The following HAGH variants were observed in gnomAD, a reference collection of about 807,000 sequenced individuals.
HAGH encodes hydroxyacylglutathione hydrolase, also known as hydroxyacylglutathione hydrolase, mitochondrial.
A neutral mutation model predicts 35.1 loss-of-function variants in HAGH; 29 were observed. That is an observed-to-expected ratio of 0.83 (90% confidence interval 0.62 to 1.13). HAGH has a LOEUF of 1.13. Ranked by LOEUF, HAGH falls within the 50% of genes most tolerant of loss-of-function variation. The probability of loss-of-function intolerance (pLI) is 0.00; values close to 1 mark genes in which losing one functional copy is unlikely to be tolerated. For missense variants in HAGH, 478 were observed against 419.6 expected (o/e 1.14, Z -1.22); for synonymous variants, 225 against 176.1 (o/e 1.28, Z -2.20).
At chr16:1,809,552 C>A in intron 8 of HAGH, 170 bp from the exon 9 acceptor site, 2 of 666,214 alleles carry the variant, frequency 3.0e-6, no homozygotes, top group Non-Finnish European at 5.2e-6. Flanking sequence ...ACTCCAGGGT[C>A]CAGAAGGACT....
At chr16:1,813,536 G>C (rs950733937) in intron 7 of HAGH, among the ~76,000 whole-genome samples, 36 of 152,198 alleles carry the variant, frequency 2.4e-4, no homozygotes, top group African/African-American at 8.0e-4. Context: ...AGTAACACGT[G>C]CAAGACCTTG....
chr16:1,812,579 T>A (rs972392517), intron 7 of HAGH, among the ~76,000 whole-genome samples: 1 of 150,724 alleles, frequency 6.6e-6, no homozygotes, highest in Non-Finnish European at 1.5e-5. Context: ...TCATTACAGA[T>A]CCAGCAGACA....
chr16:1,818,024 G>A lies in HAGH; in HGVS notation c.542-753C>T, dbSNP rs543562803. On this transcript the variant is annotated intron_variant, in intron 5 of 8. Transcript: ENST00000397356. ...AGGAGTCCTTCTGGGCACGAGAGAT[G>A]GGAATGGACGGTGGGGAGCCTGTTC... 5.3e-5 allele frequency among the ~76,000 whole-genome samples: 8 copies of A among 152,352 alleles called. No individual in the cohort carries two copies. The South Asian group carries it at 1.7e-3, about 32-fold the overall frequency.
chr16:1,823,557 G>A (rs1360009802), intron 1 of HAGH, among the ~76,000 whole-genome samples: 8 of 151,520 alleles, frequency 5.3e-5, no homozygotes, highest in African/African-American at 1.2e-4. Flanking sequence ...GTGAGCCACC[G>A]CGACCAGCCA....
chr16:1,817,082 G>T, intron 6 of HAGH, 86 bp downstream of exon 6: 2 of 1,325,454 alleles, frequency 1.5e-6, no homozygotes, highest in Non-Finnish European at 2.2e-6. Flanking sequence ...CCCGGGGGGT[G>T]TCCGGTGAGA....
At chr16:1,809,543 CTCCAGGG>C in intron 8 of HAGH, 161 bp from the exon 9 acceptor site, 1 of 673,578 alleles carries the variant, frequency 1.5e-6, no homozygotes. Flanking sequence ...AGGTTCTGAA[CTCCAGGG>C]TCCAGAAGGA....
Position 1,822,887 on chromosome 16 carries a change from A to AC in HAGH, c.226dup (p.Val76GlyfsTer37), listed in dbSNP as rs1898217600. ...CACCTTCTGGGGCTGCACCGGATCC[A>AC]CAATGGCAGCCTCCTTGGTCTCATC... On this transcript the variant is annotated frameshift_variant, in exon 2 of 9. Transcript: ENST00000397356. LOFTEE classifies it high-confidence loss of function. The AC allele has an allele frequency of 6.2e-7, 1 of 1,613,702 alleles. No individual in the cohort carries two copies. Among genetic ancestry groups the AC allele is most frequent in the African/African-American group, 1.3e-5 (1 of 74,952 alleles).
At chr16:1,819,383 G>A (rs557042369) in intron 4 of HAGH, among the ~76,000 whole-genome samples, 160 bp from the exon 5 acceptor site, 2 of 152,348 alleles carry the variant, frequency 1.3e-5, no homozygotes, top group East Asian at 1.9e-4. Flanking sequence ...TGGGGGACTC[G>A]CTCACTCCAT....
At chr16:1,823,642 C>G (rs1321408366) in intron 1 of HAGH, among the ~76,000 whole-genome samples, 1 of 145,056 alleles carries the variant, frequency 6.9e-6, no homozygotes, top group Non-Finnish European at 1.5e-5. Flanking sequence ...ACTCCGGAGG[C>G]TGAGGCAGGA....
intron 1 of HAGH, chr16:1,826,462 C>T (rs963022798): frequency 2.7e-6 from 2 of 729,710 alleles, no homozygotes; most frequent in African/African-American, 1.9e-5. Context: ...GCCGGCCCAG[C>T]CCGAGCGTGG....
chr16:1,817,040 G>A (rs1276910212), intron 6 of HAGH, 46 bp from the exon 7 acceptor site: 5 of 1,435,816 alleles, frequency 3.5e-6, no homozygotes, highest in African/African-American at 2.8e-5. Context: ...GTTACCACCT[G>A]TGAAAGTCCT....
At chr16:1,823,070 C>A in intron 1 of HAGH, 33 bp from the exon 2 acceptor site, 1 of 1,604,970 alleles carries the variant, frequency 6.2e-7, no homozygotes. Context: ...AGCGGGCAGC[C>A]GCGCCAGGCC....
In HAGH at chr16:1,822,880, C is replaced by G. The variant is rs746269018; in HGVS notation, c.234G>C (p.Pro78=). 6.2e-7 allele frequency: 1 copy of G among 1,613,624 alleles called. No individual in the cohort carries two copies. Among genetic ancestry groups the G allele is most frequent in the South Asian group, 1.1e-5 (1 of 91,074 alleles). The change falls in exon 2 of 9, where the codon CCG becomes CCC. Residue 78 remains proline (P), a synonymous_variant. Coordinates refer to ENST00000397356, the MANE Select transcript of HAGH (RefSeq NM_005326.6). The part of the protein sequence containing the change: ...DETKEAAIVD[P]VQPQKVVDAA... ...CCATGCGCACCTTCTGGGGCTGCACCGGATCCACAATGGCAGCCTCCTTGG... is the reference window on the plus strand; with the variant it reads ...CCATGCGCACCTTCTGGGGCTGCACGGGATCCACAATGGCAGCCTCCTTGG...
intron 7 of HAGH, among the ~76,000 whole-genome samples, chr16:1,816,249 C>T (rs75637321): frequency 0.055 from 8,253 of 150,648 alleles, 250 homozygotes; most frequent in East Asian, 0.12. Flanking sequence ...TATGATTCAT[C>T]TGATTTAGAG....
intron 3 of HAGH, chr16:1,821,934 GTTTTTTTTTGTTTTTTTGTT>G (rs1488483031): frequency 4.7e-5 from 7 of 150,040 alleles, no homozygotes; most frequent in South Asian, 1.9e-4. Context: ...CTGGCTGCTT[GTTTTTTTTTGTTTTTTTGTT>G]TTTTTTTTTT....
chr16:1,811,035 T>G (rs1169801124), intron 7 of HAGH: 1 of 152,236 alleles, frequency 6.6e-6, no homozygotes, highest in Non-Finnish European at 1.5e-5. Flanking sequence ...GTACAAATTG[T>G]CATAAGCTTT....
rs554844198 is a variant in HAGH at position 1,822,049 on chromosome 16, G to C, written c.314+251C>G. ...GCACAAACCCGCATGGCCCAGGAGA[G>C]AGCCGGGGGGTGGGGCCTGAGGGTA... On this transcript the variant is annotated intron_variant, in intron 3 of 8. Coordinates refer to ENST00000397356, the MANE Select transcript of HAGH (RefSeq NM_005326.6). 6 of 511,198 alleles carry C rather than the reference G, an allele frequency of 1.2e-5. No individual in the cohort carries two copies. The East Asian group carries it at 1.5e-4, about 13-fold the overall frequency. 31.7% of individuals were successfully genotyped at this position (511,198 alleles called of 1,614,324 possible).
intron 7 of HAGH, among the ~76,000 whole-genome samples, chr16:1,816,558 T>TA (rs113902775): frequency 0.019 from 2,833 of 152,280 alleles, 75 homozygotes; most frequent in South Asian, 0.071. Context: ...ACCGTGGAGA[T>TA]AAGAGTCCTT....
chr16:1,811,793 C>T (rs532167552), intron 7 of HAGH, among the ~76,000 whole-genome samples: 9 of 152,324 alleles, frequency 5.9e-5, no homozygotes, highest in African/African-American at 1.9e-4. Context: ...GGGTTCTGGA[C>T]TCCAGGGTGC....
Sources: gnomAD v4.1 joint callset for allele counts (sites outside exome capture counted in the v4.1 genomes callset) on GRCh38, gnomAD v4.1.1 for gene constraint, MANE v1.5 for transcripts, NCBI Gene and HGNC (gene_info 2026-07-23, HGNC 2026-07-21) for gene names.